Variants in TMEM45B observed in about 807,000 individuals in gnomAD.
TMEM45B encodes transmembrane protein 45B.
Under a neutral mutation model 27.3 loss-of-function variants are expected in TMEM45B, and 29 were observed. That is an observed-to-expected ratio of 1.06 (90% CI 0.79 to 1.45). The LOEUF is 1.45. Among genes scored for constraint, TMEM45B ranks in the 40% most tolerant of loss-of-function variants. The pLI, the probability that TMEM45B is intolerant of heterozygous loss-of-function variation, is 0.00. For synonymous variants in TMEM45B, 143 were observed against 134.7 expected, an observed-to-expected ratio of 1.06 and a Z score of -0.43; for missense variants, 348 against 343.9, an observed-to-expected ratio of 1.01 and a Z score of -0.09.
intron 1 of TMEM45B, among the ~76,000 whole-genome samples, chr11:129,826,739 G>A (rs1385345419): frequency 2.1e-5 from 3 of 144,418 alleles, no homozygotes; most frequent in Admixed American, 7.1e-5. Context: ...ACGGAGTCTC[G>A]ATCTGTCACC....
At chr11:129,821,281 G>C (rs1183973444) in intron 1 of TMEM45B, among the ~76,000 whole-genome samples, 1 of 152,128 alleles carries the variant, frequency 6.6e-6, no homozygotes, top group Non-Finnish European at 1.5e-5. Flanking sequence ...GCTGCTAATT[G>C]CATGGAGCTG....
At chr11:129,845,304 TGAAG>T (rs1312604243) in intron 1 of TMEM45B, among the ~76,000 whole-genome samples, 19 of 142,088 alleles carry the variant, frequency 1.3e-4, no homozygotes, top group African/African-American at 5.2e-4. Context: ...TGTGTATGCA[TGAAG>T]GAAGGGGTAG....
intron 1 of TMEM45B, among the ~76,000 whole-genome samples, chr11:129,825,452 G>A (rs1171679109): frequency 6.6e-6 from 1 of 151,860 alleles, no homozygotes; most frequent in Admixed American, 6.5e-5. Context: ...AGGTGTCTAA[G>A]AAACATCTAT....
At chr11:129,823,771 C>T (rs11608143) in intron 1 of TMEM45B, among the ~76,000 whole-genome samples, 15,952 of 152,192 alleles carry the variant, frequency 0.1, 861 homozygotes, top group Admixed American at 0.12. Flanking sequence ...TATCACCCTA[C>T]TAAATATCTA....
chr11:129,836,124 A>T (rs533687), intron 1 of TMEM45B, among the ~76,000 whole-genome samples: 49,731 of 148,532 alleles, frequency 0.33, 8,591 homozygotes, highest in East Asian at 0.48. Context: ...ATTTCAAATT[A>T]AAAAAAAAAA....
intron 1 of TMEM45B, among the ~76,000 whole-genome samples, chr11:129,822,867 G>A (rs1035494603): frequency 4.9e-4 from 70 of 142,438 alleles, no homozygotes; most frequent in African/African-American, 1.9e-3. Flanking sequence ...TTGAGACAGA[G>A]TCTCACTCTG....
intron 1 of TMEM45B, among the ~76,000 whole-genome samples, chr11:129,822,211 G>A (rs1372437968): frequency 6.6e-6 from 1 of 152,078 alleles, no homozygotes; most frequent in East Asian, 1.9e-4. Context: ...ACAGTATCCT[G>A]TTCTCATTTC....
intron 1 of TMEM45B, among the ~76,000 whole-genome samples, chr11:129,823,315 A>C (rs1348992524): frequency 6.6e-6 from 1 of 152,168 alleles, no homozygotes; most frequent in Non-Finnish European, 1.5e-5. Context: ...CGTGAAGGGA[A>C]CAGATACTAC....
chr11:129,839,364 T>C (rs533124556), intron 1 of TMEM45B, among the ~76,000 whole-genome samples: 8 of 152,222 alleles, frequency 5.3e-5, no homozygotes, highest in Admixed American at 1.3e-4. Flanking sequence ...GCTATGCATC[T>C]ATAGGGAAGA....
Position 129,857,320 on chromosome 11 carries a change from T to C in TMEM45B, c.578T>C (p.Phe193Ser). Residue 193 changes from phenylalanine (F) to serine (S), a missense_variant, in exon 5 of 6, where the codon TTT (phenylalanine) becomes TCT (serine). Transcript: ENST00000281441. ...CTCTCTGTAATCCCCTAGATTGGGT[T>C]TGTGCTGTTCCCACCTTTTGGAACA... ...LQGTWFWQIG[F>S]VLFPPFGTPE... 1.2e-6 allele frequency: 2 copies of C among 1,614,162 alleles called. No individual in the cohort carries two copies. The highest frequency in any genetic ancestry group is 1.7e-6 in the Non-Finnish European group (2 of 1,180,002).
chr11:129,848,711 G>A (rs1019683204), intron 1 of TMEM45B, among the ~76,000 whole-genome samples: 1 of 152,182 alleles, frequency 6.6e-6, no homozygotes, highest in African/African-American at 2.4e-5. Context: ...GTCTCAGTCT[G>A]CTTGTGCTGC....
At chr11:129,815,926 C>G in intron 1 of TMEM45B, 28 bp downstream of exon 1, 2 of 1,268,806 alleles carry the variant, frequency 1.6e-6, no homozygotes, top group Non-Finnish European at 2.0e-6. Flanking sequence ...GCAGGGGGCT[C>G]GAACCTGGAG....
rs1361724839 is a variant in TMEM45B, at chr11:129,852,510, C to G, written c.28C>G (p.Pro10Ala). 20 of 1,608,482 alleles carry G rather than the reference C, an allele frequency of 1.2e-5. 1 individual carries two copies. The highest frequency in any genetic ancestry group is 1.7e-4 in the Middle Eastern group (1 of 6,054). ...GGCAAATTTCAAGGGCCACGCGCTTCCAGGGAGTTTCTTCCTGATCATTGG... is the reference window on the plus strand; with the variant it reads ...GGCAAATTTCAAGGGCCACGCGCTTGCAGGGAGTTTCTTCCTGATCATTGG... MANFKGHAL[P>A]GSFFLIIGLC... The change falls in exon 2 of 6, where the codon CCA becomes GCA. Residue 10 changes from proline to alanine, a missense_variant. Pro to Ala is a conservative substitution (Grantham distance 27). Transcript: ENST00000281441.
At chr11:129,844,753 T>C (rs941378966) in intron 1 of TMEM45B, among the ~76,000 whole-genome samples, 2 of 152,138 alleles carry the variant, frequency 1.3e-5, no homozygotes, top group South Asian at 4.1e-4. Context: ...TCTTAAGGAT[T>C]CTCATTACAA....
In TMEM45B at chr11:129,858,598, C is replaced by A. The variant is rs145194495; in HGVS notation, c.741C>A (p.His247Gln). Reference protein sequence around the residue: ...VYCLLTRMKRHGRGEIIGIQK... With the variant: ...VYCLLTRMKRQGRGEIIGIQK... ...GCCTTTTGACTCGGATGAAGAGACA[C>A]GGAAGGGGAGAAATCATTGGAATTC... Residue 247 changes from histidine (H) to glutamine (Q), a missense_variant, in exon 6 of 6, where the codon CAC becomes CAA. Physicochemically the swap from His to Gln is conservative, Grantham distance 24. Transcript: ENST00000281441. The A allele has an allele frequency of 6.9e-6, 11 of 1,587,834 alleles. No homozygotes were observed. Among genetic ancestry groups the A allele is most frequent in the Non-Finnish European group, 8.6e-6 (10 of 1,166,124 alleles).
intron 2 of TMEM45B, among the ~76,000 whole-genome samples, chr11:129,853,499 A>G (rs1278002907): frequency 6.6e-6 from 1 of 152,190 alleles, no homozygotes; most frequent in Non-Finnish European, 1.5e-5. Flanking sequence ...GGCATCAGAG[A>G]GGCCTCCCGT....
intron 1 of TMEM45B, among the ~76,000 whole-genome samples, chr11:129,817,510 C>T (rs766367929): frequency 3.9e-5 from 6 of 152,180 alleles, no homozygotes; most frequent in Non-Finnish European, 7.3e-5. Context: ...GAGGCATGAC[C>T]TCTGGCTGTG....
intron 1 of TMEM45B, among the ~76,000 whole-genome samples, chr11:129,837,585 C>CTTTTTTGTTTTTTTTTTTTTTTTT (rs1947637207): frequency 1.2e-5 from 1 of 80,294 alleles, no homozygotes; most frequent in Non-Finnish European, 2.5e-5. Flanking sequence ...CTGCACTGGG[C>CTTTTTTGTTTTTTTTTTTTTTTTT]TTTTTTTTTT....
chr11:129,854,885 A>C lies in TMEM45B; in HGVS notation c.385+69A>C, dbSNP rs575521114. On this transcript the variant is annotated intron_variant, in intron 3 of 5. Transcript: ENST00000281441. Reference sequence around the variant, plus strand: ...TCATATTTATGAAGGATCAGAGTACAAAATATCAGAAATGTTGCAAATATA... The same window carrying C: ...TCATATTTATGAAGGATCAGAGTACCAAATATCAGAAATGTTGCAAATATA... 8 of 1,548,422 alleles carry C rather than the reference A, an allele frequency of 5.2e-6. No individual in the cohort carries two copies. The African/African-American group carries it at 1.1e-4, about 21-fold the overall frequency.
Sources: gnomAD v4.1 joint callset for allele counts (sites outside exome capture counted in the v4.1 genomes callset) on GRCh38, gnomAD v4.1.1 for gene constraint, MANE v1.5 for transcripts, NCBI Gene and HGNC (gene_info 2026-07-23, HGNC 2026-07-21) for gene names.